MYO5A: variants seen among roughly 807,000 people sequenced by gnomAD.
MYO5A encodes unconventional myosin-Va.
A neutral mutation model predicts 249.7 loss-of-function variants in MYO5A; 98 were observed. The observed-to-expected ratio is 0.39, with a 90% CI of 0.33 to 0.46. MYO5A has a LOEUF of 0.46. Ranked by LOEUF, MYO5A falls within the 20% of genes least tolerant of loss-of-function variation. MYO5A has a pLI of 0.98. For missense variants in MYO5A, 1,696 were observed against 2,308.8 expected (o/e 0.73, Z 5.44); for synonymous variants, 778 against 810.6 (o/e 0.96, Z 0.68).
At chr15:52,324,696 G>C (rs2038508835) in intron 36 of MYO5A, among the ~76,000 whole-genome samples, 1 of 152,076 alleles carries the variant, frequency 6.6e-6, no homozygotes, top group Non-Finnish European at 1.5e-5. Flanking sequence ...TGCAGTAAAA[G>C]TGCACAGGAT....
intron 1 of MYO5A, among the ~76,000 whole-genome samples, chr15:52,440,693 T>C (rs1173327726): frequency 6.6e-6 from 1 of 152,222 alleles, no homozygotes; most frequent in Non-Finnish European, 1.5e-5. Flanking sequence ...ACTGAGGGTG[T>C]GGGCACCAAA....
chr15:52,343,443 CCTGCAAAATAAGAA>C (rs1158498114), intron 30 of MYO5A, among the ~76,000 whole-genome samples: 1 of 152,078 alleles, frequency 6.6e-6, no homozygotes, highest in African/African-American at 2.4e-5. Flanking sequence ...AGCTACTTTA[CCTGCAAAATAAGAA>C]ATGACTGGAA....
chr15:52,462,705 G>A (rs553726536), intron 1 of MYO5A, among the ~76,000 whole-genome samples: 4 of 151,852 alleles, frequency 2.6e-5, no homozygotes, highest in East Asian at 1.9e-4. Context: ...AAAATTGGCC[G>A]GGCACGGTGG....
chr15:52,329,914 T>TTTTTTTTG (rs2038798541), intron 35 of MYO5A, among the ~76,000 whole-genome samples: 1 of 38,668 alleles, frequency 2.6e-5, no homozygotes, highest in Admixed American at 4.0e-4. Context: ...AATTTTTTTT[T>TTTTTTTTG]TTTTTTTTTT....
intron 1 of MYO5A, among the ~76,000 whole-genome samples, chr15:52,509,835 T>C (rs1299275275): frequency 6.6e-6 from 1 of 151,998 alleles, no homozygotes; most frequent in Non-Finnish European, 1.5e-5. Flanking sequence ...GATGGATCAA[T>C]AGCTTAAAAA....
At chr15:52,508,461 A>G (rs1310714412) in intron 1 of MYO5A, among the ~76,000 whole-genome samples, 1 of 152,084 alleles carries the variant, frequency 6.6e-6, no homozygotes, top group Non-Finnish European at 1.5e-5. Flanking sequence ...TACAAACAAC[A>G]AAAGTAGAAA....
intron 20 of MYO5A, among the ~76,000 whole-genome samples, chr15:52,373,669 C>T (rs1475281321): frequency 2.0e-5 from 3 of 152,230 alleles, no homozygotes; most frequent in East Asian, 1.9e-4. Context: ...CTGAGCTGGC[C>T]GGAGGCTGCC....
intron 25 of MYO5A, among the ~76,000 whole-genome samples, chr15:52,354,485 T>C (rs1442949965): frequency 6.6e-6 from 1 of 152,228 alleles, no homozygotes; most frequent in Non-Finnish European, 1.5e-5. Flanking sequence ...GACAATAATC[T>C]GAATGTCAGT....
intron 1 of MYO5A, among the ~76,000 whole-genome samples, chr15:52,528,430 G>A (rs954524166): frequency 6.6e-6 from 1 of 152,172 alleles, no homozygotes; most frequent in African/African-American, 2.4e-5. Context: ...TCTCCCACCC[G>A]CCGGGAATTT....
intron 1 of MYO5A, among the ~76,000 whole-genome samples, chr15:52,443,697 G>T (rs1206107017): frequency 7.3e-6 from 1 of 136,230 alleles, no homozygotes; most frequent in Admixed American, 8.2e-5. Context: ...GACAGGGCAA[G>T]ACTCCATCTC....
chr15:52,457,732 CA>C (rs1480394165), intron 1 of MYO5A, among the ~76,000 whole-genome samples: 1 of 151,972 alleles, frequency 6.6e-6, no homozygotes, highest in Non-Finnish European at 1.5e-5. Flanking sequence ...ATAGAACTAC[CA>C]TACAATCCAG....
chr15:52,426,046 A>G, intron 3 of MYO5A, 72 bp from the exon 4 acceptor site: 1 of 1,295,664 alleles, frequency 7.7e-7, no homozygotes, highest in Non-Finnish European at 1.1e-6. Flanking sequence ...AAACTTAGTA[A>G]AGTGAGACTC....
chr15:52,515,273 T>C (rs1566874222), intron 1 of MYO5A, among the ~76,000 whole-genome samples: 1 of 118,856 alleles, frequency 8.4e-6, no homozygotes, highest in Non-Finnish European at 1.8e-5. Context: ...CAAGACCCTG[T>C]CTCAAGAAAA....
chr15:52,401,133 C>T (rs1245060408), intron 9 of MYO5A, among the ~76,000 whole-genome samples: 4 of 148,688 alleles, frequency 2.7e-5, no homozygotes, highest in Non-Finnish European at 5.9e-5. Flanking sequence ...TGCAGTGGCG[C>T]GATCTTGGCT....
intron 35 of MYO5A, 113 bp from the exon 36 acceptor site, chr15:52,328,119 A>C: frequency 1.2e-6 from 1 of 864,742 alleles, no homozygotes; most frequent in Admixed American, 2.3e-5. Context: ...CAAGGTAAGT[A>C]GGTAATATAA....
chr15:52,390,038 G>A (rs1431281424), intron 12 of MYO5A, among the ~76,000 whole-genome samples: 2 of 152,124 alleles, frequency 1.3e-5, no homozygotes, highest in African/African-American at 4.8e-5. Context: ...CTGTTAAACA[G>A]AAAGACAAAC....
At chr15:52,335,906 G>A (rs1008295111) in intron 34 of MYO5A, among the ~76,000 whole-genome samples, 4 of 152,054 alleles carry the variant, frequency 2.6e-5, no homozygotes, top group African/African-American at 7.2e-5. Context: ...TTTACTATGC[G>A]TCAGTAACTT....
At chr15:52,511,435 C>G (rs1400220509) in intron 1 of MYO5A, among the ~76,000 whole-genome samples, 1 of 152,224 alleles carries the variant, frequency 6.6e-6, no homozygotes, top group African/African-American at 2.4e-5. Context: ...ACTGCCTCTG[C>G]TATATTTCTC....
At chr15:52,349,646 T>C (rs2039839317) in intron 28 of MYO5A, among the ~76,000 whole-genome samples, 1 of 152,118 alleles carries the variant, frequency 6.6e-6, no homozygotes, top group Admixed American at 6.5e-5. Context: ...TAAAATTTCT[T>C]GTGAGATTAC....
Sources: allele counts gnomAD v4.1 joint callset (sites outside exome capture counted in the v4.1 genomes callset), GRCh38; gene constraint gnomAD v4.1.1; transcripts MANE v1.5; gene names NCBI Gene and HGNC (gene_info 2026-07-23, HGNC 2026-07-21).